The following NRXN3 variants were observed in gnomAD, a reference collection of about 807,000 sequenced individuals.
NRXN3 encodes neurexin III.
In NRXN3, 32 loss-of-function variants were observed where a neutral mutation model predicts 137.6. The observed-to-expected ratio is 0.23, with a 90% CI of 0.18 to 0.31. The LOEUF (loss-of-function observed/expected upper bound fraction) is 0.31, where lower values mean the gene tolerates loss of function less well. NRXN3 is among the 10% of genes least tolerant of loss of function. The pLI is 1.00. For missense variants in NRXN3, 1,574 were observed against 2,062.5 expected, an observed-to-expected ratio of 0.76 and a Z score of 4.59; for synonymous variants, 798 against 784.5, an observed-to-expected ratio of 1.02 and a Z score of -0.29.
rs377079065 is a variant in NRXN3, at chr14:78,639,365, C to T, written c.758-5755C>T. ...AGGCTCATCATCAGGAAGCTGGCTC[C>T]CACTCCTTTCTGGAGCTCAGCAGGT... On this transcript the variant is annotated intron_variant, in intron 4 of 20. Transcript: ENST00000335750. Among the ~76,000 whole-genome samples the T allele has an allele frequency of 2.0e-3, 302 of 152,292 alleles. 1 individual carries two copies. The highest frequency in any genetic ancestry group is 0.017 in the Middle Eastern group (5 of 294).
intron 4 of NRXN3, among the ~76,000 whole-genome samples, chr14:78,335,172 T>C (rs1302159079): frequency 6.6e-6 from 1 of 152,218 alleles, no homozygotes; most frequent in Non-Finnish European, 1.5e-5. Context: ...AACATTCTCC[T>C]GAAGTCTGCA....
At position 79,817,184 on chromosome 14, in the gene NRXN3, C is replaced by A. The variant is rs573227877; in HGVS notation, c.4093+11994C>A. ...TCTCCTGCCTCAGCCTCCTGAGTAT[C>A]TGGGACTACAGGCGTGTGCCACCAT... On this transcript the variant is annotated intron_variant, in intron 20 of 20. Transcript: ENST00000335750. Among the ~76,000 whole-genome samples, 23 of 152,246 alleles carry A rather than the reference C, an allele frequency of 1.5e-4. No homozygotes were observed. In the East Asian group the frequency reaches 4.4e-3, roughly 29 times the overall value.
intron 4 of NRXN3, among the ~76,000 whole-genome samples, chr14:78,327,919 G>T (rs1404636351): frequency 6.6e-6 from 1 of 152,098 alleles, no homozygotes; most frequent in African/African-American, 2.4e-5. Flanking sequence ...AGGTCCAGCC[G>T]CTGCTTCATG....
chr14:79,544,535 A>C (rs1016413623), intron 16 of NRXN3, among the ~76,000 whole-genome samples: 14 of 152,340 alleles, frequency 9.2e-5, no homozygotes, highest in South Asian at 6.2e-4. Context: ...ATTGGACATC[A>C]ATAGGTAAAA....
At chr14:79,556,766 G>C (rs1051001224) in intron 16 of NRXN3, among the ~76,000 whole-genome samples, 2 of 152,122 alleles carry the variant, frequency 1.3e-5, no homozygotes, top group African/African-American at 4.8e-5. Context: ...ATGTTGCCCA[G>C]GTTGGTCTCA....
chr14:78,527,331 C>T (rs2096395228), intron 4 of NRXN3, among the ~76,000 whole-genome samples: 1 of 152,124 alleles, frequency 6.6e-6, no homozygotes, highest in African/African-American at 2.4e-5. Context: ...GAAGCAGGCA[C>T]ATCTTACATG....
chr14:79,511,334 A>G (rs1046120124), intron 16 of NRXN3, among the ~76,000 whole-genome samples: 1 of 152,194 alleles, frequency 6.6e-6, no homozygotes, highest in Non-Finnish European at 1.5e-5. Flanking sequence ...TCTGCCATTC[A>G]TGTCAGGATC....
chr14:78,644,822 A>G (rs1207950749), intron 4 of NRXN3, among the ~76,000 whole-genome samples: 1 of 152,224 alleles, frequency 6.6e-6, no homozygotes, highest in Non-Finnish European at 1.5e-5. Flanking sequence ...ATCATTTTGC[A>G]TGAAACCTCC....
chr14:79,185,916 G>A (rs1294547270), intron 15 of NRXN3, among the ~76,000 whole-genome samples: 1 of 151,878 alleles, frequency 6.6e-6, no homozygotes, highest in African/African-American at 2.4e-5. Context: ...ATAATTTCTG[G>A]CACTTCTCTA....
At chr14:79,728,856 G>A (rs1264853003) in intron 19 of NRXN3, among the ~76,000 whole-genome samples, 6 of 152,134 alleles carry the variant, frequency 3.9e-5, no homozygotes, top group South Asian at 2.1e-4. Flanking sequence ...TGATATCATC[G>A]GAAAGGGAAA....
At position 79,611,382 on chromosome 14, in the gene NRXN3, A is replaced by C. The variant is rs113099720; in HGVS notation, c.3445-52396A>C. On this transcript the variant is annotated intron_variant, in intron 16 of 20. Transcript: ENST00000335750. ...TGGGAGGCCAAGGCGGGCGGATCAC[A>C]AGGTCAGGAGATCAAGACCATCCTG... The C allele has an allele frequency of 5.0e-3, 762 of 152,184 alleles. 3 individuals are homozygous for C. The highest frequency in any genetic ancestry group is 9.2e-3 in the Non-Finnish European group (625 of 68,016). 9.4% of individuals were successfully genotyped at this position (152,184 alleles called of 1,614,324 possible).
At chr14:79,568,996 C>T (rs746801010) in intron 16 of NRXN3, among the ~76,000 whole-genome samples, 1 of 151,962 alleles carries the variant, frequency 6.6e-6, no homozygotes, top group Non-Finnish European at 1.5e-5. Context: ...TGATGGGATG[C>T]ATTTTTAAAC....
intron 10 of NRXN3, among the ~76,000 whole-genome samples, chr14:78,850,236 A>G (rs1389792793): frequency 1.3e-5 from 2 of 152,124 alleles, no homozygotes; most frequent in East Asian, 3.9e-4. Flanking sequence ...GAAACCTTAT[A>G]GACTAATTTT....
intron 11 of NRXN3, among the ~76,000 whole-genome samples, chr14:78,958,948 T>C (rs1463777934): frequency 6.6e-6 from 1 of 152,232 alleles, no homozygotes; most frequent in Non-Finnish European, 1.5e-5. Context: ...CACTAAAATA[T>C]TTTATGCCTT....
At chr14:78,771,679 T>C (rs1353162376) in intron 8 of NRXN3, among the ~76,000 whole-genome samples, 1 of 152,134 alleles carries the variant, frequency 6.6e-6, no homozygotes, top group African/African-American at 2.4e-5. Context: ...ATGGCCTGAG[T>C]AGAATAGAAA....
chr14:78,350,425 A>G (rs1274299814), intron 4 of NRXN3, among the ~76,000 whole-genome samples: 2 of 152,022 alleles, frequency 1.3e-5, no homozygotes, highest in African/African-American at 4.8e-5. Flanking sequence ...GGGAAAGGGC[A>G]CCCCAACAAA....
At chr14:78,197,080 T>C (rs1275722705) in intron 1 of NRXN3, among the ~76,000 whole-genome samples, 2 of 152,206 alleles carry the variant, frequency 1.3e-5, no homozygotes, top group Non-Finnish European at 2.9e-5. Context: ...AAACTGGAGC[T>C]GCGGAAGTGT....
intron 15 of NRXN3, among the ~76,000 whole-genome samples, chr14:79,033,672 A>G (rs1310738962): frequency 6.6e-6 from 1 of 152,122 alleles, no homozygotes; most frequent in Non-Finnish European, 1.5e-5. Flanking sequence ...TGTCGTTAGT[A>G]ATATATTGGA....
Position 79,770,215 on chromosome 14 carries a change from T to C in NRXN3, c.4015-34897T>C, listed in dbSNP as rs372860373. On this transcript the variant is annotated intron_variant, in intron 19 of 20. Transcript: ENST00000335750. ...CCACTGTTAACATTAGACAGATCAA[T>C]GAGACAGAAAGTCAACAAGGATACC... Among the ~76,000 whole-genome samples, 22 of 152,160 alleles carry C rather than the reference T, an allele frequency of 1.4e-4. 1 individual carries two copies. Among genetic ancestry groups the C allele is most frequent in the Middle Eastern group, 3.4e-3 (1 of 294 alleles).
Sources: allele counts gnomAD v4.1 joint callset (sites outside exome capture counted in the v4.1 genomes callset), GRCh38; gene constraint gnomAD v4.1.1; transcripts MANE v1.5; gene names NCBI Gene and HGNC (gene_info 2026-07-23, HGNC 2026-07-21).